GCN1: variants seen among roughly 807,000 people sequenced by gnomAD.
GCN1 encodes stalled ribosome sensor GCN1.
Under a neutral mutation model 288.4 loss-of-function variants are expected in GCN1, and 90 were observed. The ratio of observed to expected loss-of-function variants is 0.31; its 90% CI spans 0.26 to 0.37. The LOEUF (loss-of-function observed/expected upper bound fraction) is 0.37. GCN1 is among the 10% of genes least tolerant of loss of function. The probability of loss-of-function intolerance (pLI) is 1.00; values close to 1 mark genes in which losing one functional copy is unlikely to be tolerated. For synonymous variants in GCN1, 1,386 were observed against 1,420.2 expected, an observed-to-expected ratio of 0.98 and a Z score of 0.54; for missense variants, 2,586 against 3,419.9, an observed-to-expected ratio of 0.76 and a Z score of 6.08.
chr12:120,144,681 C>T lies in GCN1; in HGVS notation c.5310G>A (p.Lys1770=), dbSNP rs1222783363. The T allele has an allele frequency of 1.2e-6, 2 of 1,614,170 alleles. No homozygotes were observed. The highest frequency in any genetic ancestry group is 2.2e-5 in the East Asian group (1 of 44,886). ...TGATGGGCCCCACATAAGGAGTAAA[C>T]TTGTCTCCAAAGGTGATGGGCAGGT... ...FNYLPITFGD[K]FTPYVGPIIP... is the part of the protein sequence containing the mutation. The change falls in exon 41 of 58, where the codon AAG becomes AAA. Residue 1770 remains lysine, a synonymous_variant. Transcript: ENST00000300648. This position sits in a 1 kb window ranked among gnomAD's most constrained non-coding sequence, Gnocchi z 4.7.
In GCN1 at chr12:120,156,984, C is replaced by T. The variant is rs374203729; in HGVS notation, c.3096G>A (p.Pro1032=). The change falls in exon 27 of 58, where the codon CCG becomes CCA. Residue 1032 remains proline, a synonymous_variant. Transcript: ENST00000300648. This position sits in a 1 kb window ranked among gnomAD's most constrained non-coding sequence, Gnocchi z 5.8. ...TPPGRVDENG[P]ELLPRVAMLR... ...GCATGGCCACGCGAGGCAGCAACTC[C>T]GGGCCATTCTAGGAGAGAACGGCAG... The T allele has an allele frequency of 7.3e-5, 117 of 1,611,424 alleles. No individual in the cohort carries two copies. Among genetic ancestry groups the T allele is most frequent in the Middle Eastern group, 1.7e-4 (1 of 6,054 alleles).
At chr12:120,138,231 C>T in intron 47 of GCN1, 92 bp downstream of exon 47, 1 of 980,036 alleles carries the variant, frequency 1.0e-6, no homozygotes, top group Non-Finnish European at 1.7e-6. Flanking sequence ...CCCAGCCCTC[C>T]AACATCTACG....
chr12:120,140,266 A>T (rs2240315), intron 45 of GCN1, among the ~76,000 whole-genome samples: 33,624 of 152,050 alleles, frequency 0.22, 4,624 homozygotes, highest in East Asian at 0.44. Context: ...GCAGTGCCTA[A>T]AAGCACTCCT....
In GCN1 at chr12:120,145,241, C is replaced by T. The variant is rs369525161; in HGVS notation, c.5016+21G>A. 41 of 1,581,678 alleles carry T rather than the reference C, an allele frequency of 2.6e-5. No individual in the cohort carries two copies. The African/African-American group carries it at 3.9e-4, about 15-fold the overall frequency. ...ACTGGATGAGGGGCCTGGCCCATCCCCCAGCCTACCTCAGACTCACCTCAG... is the reference window on the plus strand; with the variant it reads ...ACTGGATGAGGGGCCTGGCCCATCCTCCAGCCTACCTCAGACTCACCTCAG... On this transcript the variant is annotated intron_variant, in intron 39 of 57. Coordinates refer to ENST00000300648, the MANE Select transcript of GCN1 (RefSeq NM_006836.2).
intron 53 of GCN1, 44 bp from the exon 54 acceptor site, chr12:120,132,066 C>G: frequency 7.7e-7 from 1 of 1,306,590 alleles, no homozygotes; most frequent in East Asian, 2.5e-5. Context: ...GGGAACAACA[C>G]CAGCTGTGTG....
rs1235104780 is a variant in GCN1, at chr12:120,144,319, G to A, written c.5482C>T (p.Leu1828Phe). 1.2e-6 allele frequency: 2 copies of A among 1,614,072 alleles called. No individual in the cohort carries two copies. The highest frequency in any genetic ancestry group is 1.3e-5 in the African/African-American group (1 of 74,934). Residue 1828 changes from leucine to phenylalanine, a missense_variant, in exon 42 of 58, where the codon CTT (leucine) becomes TTT (phenylalanine). Around this residue, in one of 8 missense-constraint regions of GCN1, gnomAD observed 371 missense variants for 572.6 expected, o/e 0.65. Coordinates refer to ENST00000300648, the MANE Select transcript of GCN1 (RefSeq NM_006836.2). The surrounding 1 kb of genome is among the most constrained non-coding windows in gnomAD (Gnocchi z 4.7). ...PQLEQGLFDD[L>F]WRIRFSSVQL... The stretch of plus-strand genomic sequence containing the variant: ...CCAAGTTCTCACCTGATTCTCCAAA[G>A]GTCATCAAAGAGGCCTTGCTCTAGC...
intron 7 of GCN1, 128 bp downstream of exon 7, chr12:120,178,497 C>T: frequency 2.2e-6 from 2 of 911,900 alleles, no homozygotes; most frequent in Non-Finnish European, 3.5e-6. Context: ...CATGAGAAAA[C>T]CAACAAGTTT....
At chr12:120,178,313 C>T (rs1358839992) in intron 7 of GCN1, among the ~76,000 whole-genome samples, 1 of 152,208 alleles carries the variant, frequency 6.6e-6, no homozygotes, top group East Asian at 1.9e-4. Flanking sequence ...TCATAGCTCC[C>T]TTACTCGCTG....
chr12:120,168,094 T>C (rs1485645100), intron 16 of GCN1, 114 bp downstream of exon 16: 2 of 734,642 alleles, frequency 2.7e-6, no homozygotes, highest in Non-Finnish European at 2.5e-6. Flanking sequence ...GCCAGATCAC[T>C]CTGGCCCAGG....
chr12:120,131,813 A>C, intron 54 of GCN1, 113 bp downstream of exon 54: 2 of 696,092 alleles, frequency 2.9e-6, no homozygotes, highest in Non-Finnish European at 5.2e-6. Context: ...TCCCAAGGAA[A>C]GGACAGTCCA....
chr12:120,138,341 C>A lies in GCN1; in HGVS notation c.6231G>T (p.Leu2077=), dbSNP rs1877079074. The change falls in exon 47 of 58, where the codon CTG becomes CTT. Residue 2077 remains leucine (L), a synonymous_variant. Transcript: ENST00000300648. Reference sequence around the variant, plus strand: ...GATTTACCTTGGGCACAAGGTAGGGCAGCACCACACGACTCTTAATAGCCA... The same window carrying A: ...GATTTACCTTGGGCACAAGGTAGGGAAGCACCACACGACTCTTAATAGCCA... ...QVMAIKSRVV[L]PYLVPKLTTP... 2.5e-6 allele frequency: 4 copies of A among 1,604,206 alleles called. No individual in the cohort carries two copies. The African/African-American group carries it at 5.4e-5, about 21-fold the overall frequency.
chr12:120,191,753 G>A (rs1879010991), intron 1 of GCN1, among the ~76,000 whole-genome samples: 1 of 152,142 alleles, frequency 6.6e-6, no homozygotes, highest in African/African-American at 2.4e-5. Context: ...AAAGAGTTCT[G>A]AGAAGTCTGC....
At position 120,155,807 on chromosome 12, in the gene GCN1, T is replaced by A; in HGVS notation, c.3313-88A>T. ...CCTCACCTCTCTCTAGGTTGTACTGTCCAAGATGTAGCCACTAACCGCATG... is the reference window on the plus strand; with the variant it reads ...CCTCACCTCTCTCTAGGTTGTACTGACCAAGATGTAGCCACTAACCGCATG... On this transcript the variant is annotated intron_variant, in intron 28 of 57. Coordinates refer to ENST00000300648, the MANE Select transcript of GCN1 (RefSeq NM_006836.2). This position sits in a 1 kb window ranked among gnomAD's most constrained non-coding sequence, Gnocchi z 4.9. The A allele has an allele frequency of 7.5e-7, 1 of 1,332,464 alleles. No homozygotes were observed. The highest frequency in any genetic ancestry group is 1.1e-6 in the Non-Finnish European group (1 of 948,212). The allele number at this position is 1,332,464 out of a possible 1,614,324, so 82.5% of individuals were successfully genotyped here.
chr12:120,178,913 C>T lies in GCN1; in HGVS notation c.464G>A (p.Gly155Asp), dbSNP rs746873964. The change falls in exon 6 of 58, where the codon GGT (glycine) becomes GAT (aspartate). Residue 155 changes from glycine (G) to aspartate (D), a missense_variant. Physicochemically the swap from Gly to Asp is moderately conservative, Grantham distance 94. Transcript: ENST00000300648. ...VQCLLLLEVL[G>D]GSHKHAVDGA... ...ATCCACGGCGTGCTTGTGGGAGCCA[C>T]CCAGCACCTCCAGCAAGAGCAGGCA... 3.1e-6 allele frequency: 5 copies of T among 1,613,984 alleles called. No individual in the cohort carries two copies. The highest frequency in any genetic ancestry group is 2.2e-5 in the South Asian group (2 of 91,074).
intron 2 of GCN1, 56 bp downstream of exon 2, chr12:120,190,242 A>AAAT: frequency 2.2e-6 from 2 of 901,036 alleles, no homozygotes; most frequent in Non-Finnish European, 3.5e-6. Flanking sequence ...AAAAAAAAAA[A>AAAT]GAAAGAAAGA....
rs774774019 is a variant in GCN1 at position 120,178,867 on chromosome 12, C to T, written c.510G>A (p.Thr170=). The part of the protein sequence containing the change: ...HAVDGAVKKL[T]KLWKENPGLV... ...GTCCTGTCACCTCTTTCCACAGCTTCGTGAGTTTCTTCACAGCACCATCCA... is the reference window on the plus strand; with the variant it reads ...GTCCTGTCACCTCTTTCCACAGCTTTGTGAGTTTCTTCACAGCACCATCCA... Residue 170 remains threonine, a synonymous_variant, in exon 6 of 58, where the codon ACG becomes ACA. Coordinates refer to ENST00000300648, the MANE Select transcript of GCN1 (RefSeq NM_006836.2). 6.8e-6 allele frequency: 11 copies of T among 1,614,052 alleles called. No homozygotes were observed. The African/African-American group carries it at 8.0e-5, about 12-fold the overall frequency.
chr12:120,134,131 C>A lies in GCN1; in HGVS notation c.7317+160G>T, dbSNP rs1876918001. ...ATACCTGCCCCGTTTCCCTTGAAAC[C>A]CGAGGAAATGTTGGTGAAGCATACA... On this transcript the variant is annotated intron_variant, in intron 53 of 57. Coordinates refer to ENST00000300648, the MANE Select transcript of GCN1 (RefSeq NM_006836.2). The surrounding 1 kb of genome is among the most constrained non-coding windows in gnomAD (Gnocchi z 5.0). Among the ~76,000 whole-genome samples, 1 of 152,072 alleles carries A rather than the reference C, an allele frequency of 6.6e-6. No individual in the cohort carries two copies. Among genetic ancestry groups the A allele is most frequent in the Admixed American group, 6.6e-5 (1 of 15,258 alleles).
chr12:120,170,575 G>C (rs1003593866), intron 14 of GCN1, among the ~76,000 whole-genome samples: 11 of 152,156 alleles, frequency 7.2e-5, no homozygotes, highest in Non-Finnish European at 1.6e-4. Flanking sequence ...TTGGGAGGCC[G>C]AGGCGGGTGG....
In GCN1 at chr12:120,163,184, C is replaced by T; in HGVS notation, c.1924G>A (p.Val642Ile). The change falls in exon 19 of 58, where the codon GTC becomes ATC. Residue 642 changes from valine to isoleucine, a missense_variant. Physicochemically the swap from Val to Ile is conservative, Grantham distance 29. Around this residue, in one of 8 missense-constraint regions of GCN1, gnomAD observed 913 missense variants for 1,107.0 expected, o/e 0.82. Transcript: ENST00000300648. ...EAGKAYVPPR[V>I]LQEALCVISG... ...ATGACACACAGAGCCTCCTGCAGGA[C>T]CCGTGGAGGCACGTAGGCCTTGCCT... 1.2e-6 allele frequency: 2 copies of T among 1,614,122 alleles called. No homozygotes were observed. Among genetic ancestry groups the T allele is most frequent in the Non-Finnish European group, 1.7e-6 (2 of 1,179,954 alleles).
Sources: allele counts gnomAD v4.1 joint callset (sites outside exome capture counted in the v4.1 genomes callset), GRCh38; gene constraint gnomAD v4.1.1; regional missense constraint gnomAD v4.1.1; non-coding constraint Gnocchi (gnomAD v3.1); transcripts MANE v1.5; gene names NCBI Gene and HGNC (gene_info 2026-07-23, HGNC 2026-07-21).